The following AP3S1 variants were observed in gnomAD, a reference collection of about 807,000 sequenced individuals.
The protein encoded by AP3S1 is AP-3 complex subunit sigma-1.
A neutral mutation model predicts 21.3 loss-of-function variants in AP3S1; 12 were observed. The ratio of observed to expected loss-of-function variants is 0.56; its 90% CI spans 0.36 to 0.91. The LOEUF (loss-of-function observed/expected upper bound fraction) is 0.91, where lower values mean the gene tolerates loss of function less well. AP3S1 is among the 40% of genes least tolerant of loss of function. The pLI is 0.01. For synonymous variants in AP3S1, 48 were observed against 78.4 expected (o/e 0.61, Z 2.05); for missense variants, 116 against 225.0 (o/e 0.52, Z 3.10).
intron 5 of AP3S1, among the ~76,000 whole-genome samples, chr5:115,910,287 A>AT (rs1489306743): frequency 1.4e-5 from 2 of 145,106 alleles, no homozygotes; most frequent in Non-Finnish European, 3.0e-5. Context: ...AAAAAAAAAA[A>AT]GTTATGTGAT....
chr5:115,860,259 T>G (rs1258863973), intron 1 of AP3S1, among the ~76,000 whole-genome samples: 4 of 152,250 alleles, frequency 2.6e-5, no homozygotes, highest in Non-Finnish European at 4.4e-5. Context: ...TGCGATGCAA[T>G]TAGCTCCACC....
chr5:115,853,026 T>G (rs960213107), intron 1 of AP3S1: 1 of 454,464 alleles, frequency 2.2e-6, no homozygotes, highest in Non-Finnish European at 4.4e-6. Context: ...TAAGAATATG[T>G]TTAATTATTT....
At chr5:115,892,703 G>A (rs1184803882) in intron 3 of AP3S1, among the ~76,000 whole-genome samples, 2 of 152,152 alleles carry the variant, frequency 1.3e-5, no homozygotes, top group Non-Finnish European at 2.9e-5. Context: ...TTGTGGAGAT[G>A]GTTAATGGAT....
intron 5 of AP3S1, among the ~76,000 whole-genome samples, chr5:115,907,526 CT>C (rs1346847838): frequency 2.6e-5 from 4 of 152,102 alleles, no homozygotes; most frequent in Admixed American, 2.6e-4. Flanking sequence ...TAAAACTTGA[CT>C]GTATTTCAAA....
Position 115,899,824 on chromosome 5 carries a change from C to T in AP3S1, c.346-3061C>T, listed in dbSNP as rs555908614. ...ACATTTAACATCTATTATACAAGTA[C>T]TTGGAGGATCTTATCCAATTGAGAG... On this transcript the variant is annotated intron_variant, in intron 4 of 5. Transcript: ENST00000316788. Among the ~76,000 whole-genome samples, 502 of 151,808 alleles carry T rather than the reference C, an allele frequency of 3.3e-3. 3 individuals are homozygous for T. Among genetic ancestry groups the T allele is most frequent in the African/African-American group, 0.011 (472 of 41,402 alleles).
At chr5:115,851,832 T>TTTG (rs147357109) in intron 1 of AP3S1, among the ~76,000 whole-genome samples, 335 of 152,048 alleles carry the variant, frequency 2.2e-3, no homozygotes, top group Middle Eastern at 6.8e-3. Flanking sequence ...AACTTACGTT[T>TTTG]TTGTTGTTGT....
intron 1 of AP3S1, chr5:115,842,375 C>A (rs919423138): frequency 2.3e-5 from 9 of 384,602 alleles, no homozygotes; most frequent in Admixed American, 5.0e-5. Flanking sequence ...GCGGGCGAGG[C>A]CCTGGAGACT....
chr5:115,845,363 A>G (rs1761978872), intron 1 of AP3S1, among the ~76,000 whole-genome samples: 1 of 152,202 alleles, frequency 6.6e-6, no homozygotes, highest in African/African-American at 2.4e-5. Context: ...TCTCCCTCAA[A>G]TATAACAACT....
At chr5:115,859,133 A>C (rs1006174026) in intron 1 of AP3S1, among the ~76,000 whole-genome samples, 2 of 152,136 alleles carry the variant, frequency 1.3e-5, no homozygotes, top group Non-Finnish European at 2.9e-5. Flanking sequence ...GGAAGCTCTC[A>C]ATCCATGATT....
intron 3 of AP3S1, among the ~76,000 whole-genome samples, chr5:115,873,949 A>G (rs1420062164): frequency 1.3e-5 from 2 of 152,132 alleles, no homozygotes; most frequent in Non-Finnish European, 2.9e-5. Flanking sequence ...AACTGGAAGC[A>G]TATATTTTAA....
intron 1 of AP3S1, among the ~76,000 whole-genome samples, chr5:115,848,136 G>A (rs1026463853): frequency 1.3e-4 from 18 of 140,994 alleles, no homozygotes; most frequent in African/African-American, 3.5e-4. Flanking sequence ...CTTACGTGAC[G>A]TACCTATATT....
intron 3 of AP3S1, among the ~76,000 whole-genome samples, chr5:115,874,108 A>G (rs1748504621): frequency 2.0e-5 from 3 of 152,136 alleles, no homozygotes; most frequent in Admixed American, 2.0e-4. Flanking sequence ...TTGGTAGTCC[A>G]CAGAATTTAC....
At chr5:115,879,040 T>C (rs1351407805) in intron 3 of AP3S1, among the ~76,000 whole-genome samples, 1 of 152,220 alleles carries the variant, frequency 6.6e-6, no homozygotes, top group African/African-American at 2.4e-5. Context: ...CTTTTGCACA[T>C]TGGTTTTGTA....
chr5:115,877,733 G>T (rs987529254), intron 3 of AP3S1, among the ~76,000 whole-genome samples: 1 of 152,172 alleles, frequency 6.6e-6, no homozygotes, highest in African/African-American at 2.4e-5. Flanking sequence ...GGGTTGCTAG[G>T]TCAAATGGTA....
At chr5:115,895,944 G>A (rs1166602374) in intron 4 of AP3S1, among the ~76,000 whole-genome samples, 2 of 152,170 alleles carry the variant, frequency 1.3e-5, no homozygotes, top group African/African-American at 4.8e-5. Context: ...GCCAGTATTA[G>A]TAGATATTTG....
At chr5:115,894,584 T>C (rs12188972) in intron 3 of AP3S1, among the ~76,000 whole-genome samples, 19,259 of 152,212 alleles carry the variant, frequency 0.13, 1,721 homozygotes, top group East Asian at 0.33. Flanking sequence ...TCATACAAGT[T>C]ATTCAGTTTA....
chr5:115,892,801 A>T (rs1750428537), intron 3 of AP3S1, among the ~76,000 whole-genome samples: 1 of 152,216 alleles, frequency 6.6e-6, no homozygotes, highest in South Asian at 2.1e-4. Context: ...ATTCAAAAAT[A>T]AGTAAAAATG....
chr5:115,865,842 A>G (rs1297605528), intron 1 of AP3S1, among the ~76,000 whole-genome samples: 1 of 152,222 alleles, frequency 6.6e-6, no homozygotes, highest in Non-Finnish European at 1.5e-5. Context: ...CTCTGTCGCC[A>G]GGCTGGAGTG....
chr5:115,867,083 C>T (rs1763684426), intron 2 of AP3S1, among the ~76,000 whole-genome samples: 1 of 151,958 alleles, frequency 6.6e-6, no homozygotes, highest in Non-Finnish European at 1.5e-5. Context: ...CTTGTGTATC[C>T]TTCTAGAAAA....
Sources: allele counts gnomAD v4.1 joint callset (sites outside exome capture counted in the v4.1 genomes callset), GRCh38; gene constraint gnomAD v4.1.1; transcripts MANE v1.5; gene names NCBI Gene and HGNC (gene_info 2026-07-23, HGNC 2026-07-21).